Variants in DIP2C observed in about 807,000 individuals in gnomAD.
DIP2C encodes disco-interacting protein 2 homolog C.
Under a neutral mutation model 192.4 loss-of-function variants are expected in DIP2C, and 33 were observed. That is an observed-to-expected ratio of 0.17 (90% confidence interval 0.13 to 0.23). DIP2C has a LOEUF of 0.23. Ranked by LOEUF, DIP2C falls within the 10% of genes least tolerant of loss-of-function variation. The pLI, the probability that DIP2C is intolerant of heterozygous loss-of-function variation, is 1.00. For missense variants in DIP2C, 1,537 were observed against 2,110.1 expected, an observed-to-expected ratio of 0.73 and a Z score of 5.32; for synonymous variants, 979 against 864.1, an observed-to-expected ratio of 1.13 and a Z score of -2.33.
chr10:515,321 T>C (rs1008050359), intron 1 of DIP2C, among the ~76,000 whole-genome samples: 3 of 152,224 alleles, frequency 2.0e-5, no homozygotes, highest in Non-Finnish European at 2.9e-5. Flanking sequence ...ATTTTTAACA[T>C]ATGCATAGTT....
At position 401,115 on chromosome 10, in the gene DIP2C, C is replaced by G. The variant is rs777913857; in HGVS notation, c.1150-1896G>C. Among the ~76,000 whole-genome samples the G allele has an allele frequency of 2.0e-4, 29 of 147,254 alleles. No individual in the cohort carries two copies. The Middle Eastern group carries it at 0.01, about 53-fold the overall frequency. On this transcript the variant is annotated intron_variant, in intron 9 of 36. Coordinates refer to ENST00000280886, the MANE Select transcript of DIP2C (RefSeq NM_014974.3). ...TCCTGTGATTTTACACGTGTGGTAG[C>G]ATTAGCATTACTCTTCCTTATGGAC...
intron 30 of DIP2C, among the ~76,000 whole-genome samples, chr10:328,851 T>C (rs1343284212): frequency 6.6e-6 from 1 of 152,232 alleles, no homozygotes; most frequent in Non-Finnish European, 1.5e-5. Context: ...TCCTAGTTAC[T>C]TGGAGCTAAG....
At chr10:495,294 T>C (rs1290906086) in intron 1 of DIP2C, among the ~76,000 whole-genome samples, 3 of 152,158 alleles carry the variant, frequency 2.0e-5, no homozygotes, top group Non-Finnish European at 4.4e-5. Context: ...GGAGATCGAA[T>C]GTACAGTGTG....
intron 1 of DIP2C, among the ~76,000 whole-genome samples, chr10:590,076 GA>G (rs944798658): frequency 6.6e-6 from 1 of 152,216 alleles, no homozygotes; most frequent in African/African-American, 2.4e-5. Context: ...GTGGGAAATG[GA>G]CACTCTTCCT....
At position 666,011 on chromosome 10, in the gene DIP2C, C is replaced by A. The variant is rs1331450911; in HGVS notation, c.85+23483G>T. 6.6e-6 allele frequency: 1 copy of A among 152,144 alleles called. No homozygotes were observed. Among genetic ancestry groups the A allele is most frequent in the Non-Finnish European group, 1.5e-5 (1 of 68,038 alleles). 9.4% of individuals were successfully genotyped at this position (152,144 alleles called of 1,614,324 possible). On this transcript the variant is annotated intron_variant, in intron 1 of 36. Transcript: ENST00000280886. This position sits in a 1 kb window ranked among gnomAD's most constrained non-coding sequence, Gnocchi z 4.1. The stretch of plus-strand genomic sequence containing the variant: ...GGTGCTCTAACTTCTCAGCGCTGGC[C>A]GTCACCAACGCAGGCCGGCAGCACC...
At chr10:500,247 C>T (rs1845130153) in intron 1 of DIP2C, among the ~76,000 whole-genome samples, 1 of 152,250 alleles carries the variant, frequency 6.6e-6, no homozygotes, top group East Asian at 1.9e-4. Context: ...AACCCCTGGC[C>T]TGTCTCAGGA....
intron 1 of DIP2C, among the ~76,000 whole-genome samples, chr10:653,794 C>T (rs1359156001): frequency 6.6e-6 from 1 of 152,192 alleles, no homozygotes; most frequent in Admixed American, 6.5e-5. Context: ...GCTGGTGACT[C>T]GAACACTAAA....
rs529081065 is a variant in DIP2C, at chr10:652,348, G to A, written c.85+37146C>T. The A allele has an allele frequency of 2.0e-3, 400 of 197,838 alleles. 1 individual carries two copies. Among genetic ancestry groups the A allele is most frequent in the Middle Eastern group, 8.4e-3 (4 of 474 alleles). The allele number at this position is 197,838 out of a possible 1,614,324, so 12.3% of individuals were successfully genotyped here. ...GCAGCCTGGGCTCACCTCCCAGCCC[G>A]AGGCTGAGAACTGAGTTCCAGTCCC... On this transcript the variant is annotated intron_variant, in intron 1 of 36. Transcript: ENST00000280886. This position sits in a 1 kb window ranked among gnomAD's most constrained non-coding sequence, Gnocchi z 4.5.
At chr10:475,287 T>A (rs1206242752) in intron 2 of DIP2C, among the ~76,000 whole-genome samples, 1 of 152,224 alleles carries the variant, frequency 6.6e-6, no homozygotes, top group Non-Finnish European at 1.5e-5. Flanking sequence ...TGCTAAATGA[T>A]GAACCACAAA....
At chr10:409,317 G>C (rs949820143) in intron 8 of DIP2C, among the ~76,000 whole-genome samples, 5 of 152,080 alleles carry the variant, frequency 3.3e-5, no homozygotes, top group Admixed American at 6.5e-5. Context: ...GGTGGCGAGG[G>C]GGGGCGCGGA....
chr10:466,223 G>T (rs1358178665), intron 3 of DIP2C, among the ~76,000 whole-genome samples: 1 of 152,032 alleles, frequency 6.6e-6, no homozygotes, highest in East Asian at 1.9e-4. Flanking sequence ...AGAGCCTGCA[G>T]AAATAATGCC....
intron 7 of DIP2C, among the ~76,000 whole-genome samples, chr10:414,679 C>T (rs978210907): frequency 4.1e-5 from 6 of 147,178 alleles, no homozygotes; most frequent in Non-Finnish European, 6.0e-5. Flanking sequence ...TGCACCACCA[C>T]GCCCAGCTAA....
At chr10:581,413 T>C (rs1031068711) in intron 1 of DIP2C, among the ~76,000 whole-genome samples, 2 of 152,224 alleles carry the variant, frequency 1.3e-5, no homozygotes, top group African/African-American at 4.8e-5. Context: ...GGGAATTTAC[T>C]TAACATGTTA....
intron 1 of DIP2C, among the ~76,000 whole-genome samples, chr10:524,522 A>G (rs1053858805): frequency 5.9e-5 from 9 of 152,216 alleles, no homozygotes; most frequent in African/African-American, 1.2e-4. Flanking sequence ...GTGCAAATGT[A>G]TAAAACATGG....
intron 6 of DIP2C, among the ~76,000 whole-genome samples, chr10:416,730 G>C (rs1254939228): frequency 6.6e-6 from 1 of 152,174 alleles, no homozygotes; most frequent in East Asian, 1.9e-4. Flanking sequence ...GAACAAGACA[G>C]AGGACCAAGA....
intron 3 of DIP2C, among the ~76,000 whole-genome samples, chr10:471,316 G>A (rs775869422): frequency 5.9e-5 from 9 of 152,116 alleles, no homozygotes; most frequent in Non-Finnish European, 1.2e-4. Flanking sequence ...CCAGGCAGAC[G>A]GCAACTGAGG....
intron 1 of DIP2C, among the ~76,000 whole-genome samples, chr10:573,584 G>T (rs978094059): frequency 2.4e-4 from 37 of 152,166 alleles, no homozygotes; most frequent in Admixed American, 1.8e-3. Context: ...TAATTTTTGT[G>T]TTCTCAGTAG....
intron 17 of DIP2C, among the ~76,000 whole-genome samples, chr10:380,157 AC>A (rs1962216974): frequency 7.3e-6 from 1 of 136,986 alleles, no homozygotes; most frequent in Admixed American, 7.4e-5. Context: ...ATGATGGTTA[AC>A]GCACAGAAGA....
chr10:345,416 A>G (rs1170756074), intron 26 of DIP2C, among the ~76,000 whole-genome samples: 2 of 151,790 alleles, frequency 1.3e-5, no homozygotes, highest in Non-Finnish European at 1.5e-5. Flanking sequence ...TCTCCTGGAA[A>G]CCCCACACAC....
Sources: gnomAD v4.1 joint callset for allele counts (sites outside exome capture counted in the v4.1 genomes callset) on GRCh38, gnomAD v4.1.1 for gene constraint, Gnocchi (gnomAD v3.1) non-coding constraint, MANE v1.5 for transcripts, NCBI Gene and HGNC (gene_info 2026-07-23, HGNC 2026-07-21) for gene names.